The following RAB22A variants were observed in gnomAD, a reference collection of about 807,000 sequenced individuals.
RAB22A encodes RAB22A, member RAS oncogene family, also known as ras-related protein Rab-22A.
RAB22A carries 13 observed loss-of-function variants against 30.2 expected under a neutral mutation model. The ratio of observed to expected loss-of-function variants is 0.43; its 90% CI spans 0.28 to 0.68. RAB22A has a LOEUF of 0.68. Ranked by LOEUF, RAB22A falls within the 30% of genes least tolerant of loss-of-function variation. The pLI is 0.18. For missense variants in RAB22A, 177 were observed against 246.8 expected (o/e 0.72, Z 1.89); for synonymous variants, 89 against 87.2 (o/e 1.02, Z -0.11).
At chr20:58,349,205 A>G (rs1017061243) in intron 3 of RAB22A, among the ~76,000 whole-genome samples, 1 of 152,224 alleles carries the variant, frequency 6.6e-6, no homozygotes, top group African/African-American at 2.4e-5. Context: ...TAAAAAAACA[A>G]CTGTTTGAAG....
chr20:58,364,124 C>G lies in RAB22A; in HGVS notation c.*4421C>G, dbSNP rs886940859. 1 of 152,524 alleles carries G rather than the reference C, an allele frequency of 6.6e-6. No individual in the cohort carries two copies. The highest frequency in any genetic ancestry group is 6.5e-5 in the Admixed American group (1 of 15,270). 9.4% of individuals were successfully genotyped at this position (152,524 alleles called of 1,614,324 possible). On this transcript the variant is annotated 3_prime_UTR_variant, in exon 7 of 7. Transcript: ENST00000244040. ...AGGAAGATATTACATTTTTCAGGAG[C>G]CTCCATTTTTTCAGTCTAAGAGAAT...
chr20:58,344,077 G>C (rs937250617), intron 3 of RAB22A, among the ~76,000 whole-genome samples: 1 of 152,304 alleles, frequency 6.6e-6, no homozygotes, highest in Non-Finnish European at 1.5e-5. Flanking sequence ...ATCCCACTCA[G>C]AGCACTGTGT....
intron 2 of RAB22A, among the ~76,000 whole-genome samples, chr20:58,319,486 A>G (rs1986410795): frequency 6.6e-6 from 1 of 152,188 alleles, no homozygotes; most frequent in Non-Finnish European, 1.5e-5. Context: ...GGAATCAGAT[A>G]GTGTATGTCA....
chr20:58,334,975 T>G (rs540560461), intron 2 of RAB22A, among the ~76,000 whole-genome samples: 2 of 152,344 alleles, frequency 1.3e-5, no homozygotes, highest in African/African-American at 4.8e-5. Context: ...AAAATGTTTA[T>G]AGCAGGCTTG....
chr20:58,337,022 T>C (rs1423083515), intron 2 of RAB22A, among the ~76,000 whole-genome samples: 1 of 152,216 alleles, frequency 6.6e-6, no homozygotes, highest in African/African-American at 2.4e-5. Context: ...CCCTCAACTT[T>C]CTGGCTCAGC....
At chr20:58,336,280 G>T (rs1202487976) in intron 2 of RAB22A, among the ~76,000 whole-genome samples, 1 of 152,140 alleles carries the variant, frequency 6.6e-6, no homozygotes, top group Non-Finnish European at 1.5e-5. Context: ...CCAAAGTGCT[G>T]GGATTACGGG....
intron 2 of RAB22A, among the ~76,000 whole-genome samples, chr20:58,318,727 CCTT>C (rs1207018043): frequency 6.6e-6 from 1 of 152,174 alleles, no homozygotes; most frequent in Non-Finnish European, 1.5e-5. Context: ...CCTCCCACCT[CCTT>C]GTGCACATTT....
chr20:58,333,712 G>A (rs1986698700), intron 2 of RAB22A, among the ~76,000 whole-genome samples: 1 of 152,096 alleles, frequency 6.6e-6, no homozygotes, highest in South Asian at 2.1e-4. Context: ...AGAAACTATT[G>A]AAAAAATAGA....
intron 2 of RAB22A, among the ~76,000 whole-genome samples, chr20:58,339,376 G>C (rs1986817883): frequency 2.0e-5 from 3 of 152,334 alleles, no homozygotes; most frequent in Middle Eastern, 6.8e-3. Flanking sequence ...TCATTTGAAT[G>C]GCAGGGAGCC....
rs763333487 is a variant in RAB22A, at chr20:58,359,601, T to C, written c.488-5T>C. 3 of 1,597,062 alleles carry C rather than the reference T, an allele frequency of 1.9e-6. No individual in the cohort carries two copies. ...ACTCCCTTCCCTTTTCTCATCTTGG[T>C]TTAGGTCGAAGAATTCCATCCACTG... On this transcript the variant is annotated splice_polypyrimidine_tract_variant and splice_region_variant and intron_variant, in intron 6 of 6. Coordinates refer to ENST00000244040, the MANE Select transcript of RAB22A (RefSeq NM_020673.3).
At chr20:58,324,292 T>G (rs1478297240) in intron 2 of RAB22A, among the ~76,000 whole-genome samples, 1 of 130,560 alleles carries the variant, frequency 7.7e-6, no homozygotes, top group Non-Finnish European at 1.6e-5. Flanking sequence ...TGTATTGGTT[T>G]TAATACATTG....
chr20:58,320,949 T>C (rs573420610), intron 2 of RAB22A, among the ~76,000 whole-genome samples: 2 of 151,786 alleles, frequency 1.3e-5, no homozygotes. Flanking sequence ...CCCAGCACTT[T>C]GGGAGGCCGA....
intron 2 of RAB22A, among the ~76,000 whole-genome samples, chr20:58,337,387 C>T (rs1986775371): frequency 6.6e-6 from 1 of 152,144 alleles, no homozygotes; most frequent in Non-Finnish European, 1.5e-5. Context: ...CTGAGTAATA[C>T]AGGGTCCTCT....
At chr20:58,314,097 G>A (rs970416431) in intron 2 of RAB22A, among the ~76,000 whole-genome samples, 1 of 149,630 alleles carries the variant, frequency 6.7e-6, no homozygotes, top group African/African-American at 2.5e-5. Context: ...TACCCAGGCT[G>A]GATTGTAATG....
chr20:58,358,448 A>G (rs1987169884), intron 6 of RAB22A, among the ~76,000 whole-genome samples: 1 of 152,248 alleles, frequency 6.6e-6, no homozygotes, highest in Admixed American at 6.5e-5. Flanking sequence ...CCGGGCATTA[A>G]TCCTACACAC....
chr20:58,329,964 TATGTACTAAAC>T (rs1244059929), intron 2 of RAB22A, among the ~76,000 whole-genome samples: 1 of 152,220 alleles, frequency 6.6e-6, no homozygotes, highest in African/African-American at 2.4e-5. Flanking sequence ...AGAGTCTGTA[TATGTACTAAAC>T]ATGTACTAAA....
rs751275408 is a variant in RAB22A, at chr20:58,353,528, A to G, written c.367A>G (p.Ile123Val). ...VAIAGNKCDL[I>V]DVREVMERDA... ...CATTGCAGGAAATAAATGTGATCTT[A>G]TCGATGTAAGGTAAGTTATTAGAAC... Residue 123 changes from isoleucine to valine, a missense_variant, in exon 5 of 7, where the codon ATC becomes GTC. Physicochemically the swap from Ile to Val is conservative, Grantham distance 29. Transcript: ENST00000244040. 17 of 1,598,474 alleles carry G rather than the reference A, an allele frequency of 1.1e-5. No individual in the cohort carries two copies. The Admixed American group carries it at 2.7e-4, about 25-fold the overall frequency.
chr20:58,350,648 G>A (rs545837823), intron 3 of RAB22A, among the ~76,000 whole-genome samples: 3 of 152,104 alleles, frequency 2.0e-5, no homozygotes, highest in Non-Finnish European at 4.4e-5. Flanking sequence ...TTTAAAGTGT[G>A]GAAAGCAAAA....
At chr20:58,319,399 C>G (rs2034152650) in intron 2 of RAB22A, among the ~76,000 whole-genome samples, 1 of 152,194 alleles carries the variant, frequency 6.6e-6, no homozygotes, top group Admixed American at 6.5e-5. Context: ...ATTTCCTTTT[C>G]TGTCCCATTG....
Sources: allele counts gnomAD v4.1 joint callset (sites outside exome capture counted in the v4.1 genomes callset), GRCh38; gene constraint gnomAD v4.1.1; transcripts MANE v1.5; gene names NCBI Gene and HGNC (gene_info 2026-07-23, HGNC 2026-07-21).